COL12A1: variants seen among roughly 807,000 people sequenced by gnomAD.
COL12A1 encodes collagen alpha-1(XII) chain.
In COL12A1, 114 loss-of-function variants were observed where a neutral mutation model predicts 349.7. The observed-to-expected ratio is 0.33, with a 90% CI of 0.28 to 0.38. COL12A1 has a LOEUF of 0.38. COL12A1 is among the 10% of genes least tolerant of loss of function. The probability of loss-of-function intolerance (pLI) is 1.00; values close to 1 mark genes in which losing one functional copy is unlikely to be tolerated. For synonymous variants in COL12A1, 1,369 were observed against 1,329.0 expected, an observed-to-expected ratio of 1.03 and a Z score of -0.66; for missense variants, 3,284 against 3,756.9, an observed-to-expected ratio of 0.87 and a Z score of 3.29.
intron 3 of COL12A1, among the ~76,000 whole-genome samples, chr6:75,193,898 A>G (rs1770085866): frequency 1.3e-5 from 2 of 152,166 alleles, no homozygotes; most frequent in African/African-American, 4.8e-5. Flanking sequence ...CCTATAAATG[A>G]CATGAACTCA....
intron 5 of COL12A1, among the ~76,000 whole-genome samples, chr6:75,191,211 C>T (rs1769913103): frequency 6.6e-6 from 1 of 151,934 alleles, no homozygotes; most frequent in African/African-American, 2.4e-5. Context: ...CAACTAAGGC[C>T]ATGTAAATAA....
At chr6:75,165,457 C>T (rs1486776279) in intron 14 of COL12A1, 50 bp downstream of exon 14, 1 of 1,588,184 alleles carries the variant, frequency 6.3e-7, no homozygotes, top group Admixed American at 1.7e-5. Context: ...GAGCTGATAA[C>T]TATTGGGTAG....
intron 51 of COL12A1, among the ~76,000 whole-genome samples, chr6:75,112,278 T>C (rs1349622040): frequency 1.3e-5 from 2 of 151,878 alleles, no homozygotes; most frequent in African/African-American, 4.8e-5. Context: ...GCTTAATACC[T>C]GGGTGACAAA....
intron 17 of COL12A1, among the ~76,000 whole-genome samples, chr6:75,152,883 TGTA>T (rs1767562719): frequency 6.6e-6 from 1 of 152,112 alleles, no homozygotes; most frequent in Non-Finnish European, 1.5e-5. Flanking sequence ...AAAATTGTAA[TGTA>T]GTCAAATCAT....
Position 75,085,862 on chromosome 6 carries a change from T to TG in COL12A1, c.*684dup, listed in dbSNP as rs1767463189. The TG allele has an allele frequency of 6.5e-6, 1 of 154,626 alleles. No homozygotes were observed. The highest frequency in any genetic ancestry group is 1.4e-5 in the Non-Finnish European group (1 of 69,278). 9.6% of individuals were successfully genotyped at this position (154,626 alleles called of 1,614,324 possible). A position where few individuals can be genotyped will look rare whatever the true frequency, so the allele number is the denominator to read the frequency against. On this transcript the variant is annotated 3_prime_UTR_variant, in exon 66 of 66. Coordinates refer to ENST00000322507, the MANE Select transcript of COL12A1 (RefSeq NM_004370.6). ...TACCTCACACAAACTGAGTTACAGC[T>TG]GGTGGGTGAGGAACACCAGTGACTA...
chr6:75,138,884 C>T lies in COL12A1; in HGVS notation c.5035G>A (p.Ala1679Thr), dbSNP rs550455854. ...ATTCTGTAGAGAGACACATCTGAAG[C>T]TCCATGATCCCAAGTCCCTCTGAAA... The part of the protein sequence containing the change: ...EGFRGTWDHG[A>T]SDVSLYRITW... Residue 1679 changes from alanine (A) to threonine (T), a missense_variant, in exon 28 of 66, where the codon GCT (alanine) becomes ACT (threonine). Transcript: ENST00000322507. 6.2e-7 allele frequency: 1 copy of T among 1,614,104 alleles called. No homozygotes were observed. The highest frequency in any genetic ancestry group is 8.5e-7 in the Non-Finnish European group (1 of 1,179,958).
rs1219503947 is a variant in COL12A1, at chr6:75,124,374, A to G, written c.6608-3T>C. ...CAGATCTGTTACATTTAAATATACT[A>G]CAAAATAAAGAAAGAAAGAGATTTA... On this transcript the variant is annotated splice_polypyrimidine_tract_variant and splice_region_variant and intron_variant, in intron 40 of 65. Coordinates refer to ENST00000322507, the MANE Select transcript of COL12A1 (RefSeq NM_004370.6). The G allele has an allele frequency of 1.3e-6, 2 of 1,575,876 alleles. No individual in the cohort carries two copies. The highest frequency in any genetic ancestry group is 1.7e-6 in the Non-Finnish European group (2 of 1,152,152).
At position 75,130,981 on chromosome 6, in the gene COL12A1, T is replaced by C; in HGVS notation, c.5938A>G (p.Ile1980Val). Residue 1980 changes from isoleucine (I) to valine (V), a missense_variant and splice_region_variant, in exon 36 of 66, where the codon ATA (isoleucine) becomes GTA (valine). Around this residue, in one of 2 missense-constraint regions of COL12A1, gnomAD observed 2,601 missense variants for 2,824.8 expected, o/e 0.92. Coordinates refer to ENST00000322507, the MANE Select transcript of COL12A1 (RefSeq NM_004370.6). ...PVDGTRPSESIVVPGNTRMVH... is the reference protein window; with the variant it reads ...PVDGTRPSESVVVPGNTRMVH... ...ATGCGCGTGTTTCCTGGCACTACTA[T>C]CTGCAGGAGAGGAAATGCCAAATTC... The C allele has an allele frequency of 6.2e-7, 1 of 1,614,130 alleles. No individual in the cohort carries two copies.
At chr6:75,157,330 A>C (rs539262678) in intron 14 of COL12A1, among the ~76,000 whole-genome samples, 16 of 152,238 alleles carry the variant, frequency 1.1e-4, no homozygotes, top group African/African-American at 3.4e-4. Flanking sequence ...TGTTCTATAG[A>C]AAAAGATTAA....
intron 39 of COL12A1, among the ~76,000 whole-genome samples, chr6:75,125,668 A>C (rs1340859953): frequency 2.6e-5 from 4 of 152,120 alleles, no homozygotes; most frequent in Non-Finnish European, 5.9e-5. Context: ...CTCATTCCAC[A>C]TACTTTGGCT....
chr6:75,195,111 G>T (rs150483987), intron 2 of COL12A1, among the ~76,000 whole-genome samples, 164 bp from the exon 3 acceptor site: 1 of 152,198 alleles, frequency 6.6e-6, no homozygotes, highest in Non-Finnish European at 1.5e-5. Context: ...AAAACTAAAA[G>T]CTGACAAAAC....
chr6:75,187,637 T>C (rs1441323436), intron 8 of COL12A1, among the ~76,000 whole-genome samples: 1 of 152,118 alleles, frequency 6.6e-6, no homozygotes, highest in East Asian at 1.9e-4. Context: ...TTTGACAAAA[T>C]GTTCAGAGAT....
Position 75,183,259 on chromosome 6 carries a change from G to A in COL12A1, c.1682C>T (p.Ala561Val), listed in dbSNP as rs1344964508. Residue 561 changes from alanine to valine, a missense_variant, in exon 10 of 66, where the codon GCG becomes GTG. Around this residue, in one of 2 missense-constraint regions of COL12A1, gnomAD observed 2,601 missense variants for 2,824.8 expected, o/e 0.92. Coordinates refer to ENST00000322507, the MANE Select transcript of COL12A1 (RefSeq NM_004370.6). Reference sequence around the variant, plus strand: ...AACATCTGAATTCCTCAGTTTTATCGCAGGATCTCTGAAAGCATCTGATGA... The same window carrying A: ...AACATCTGAATTCCTCAGTTTTATCACAGGATCTCTGAAAGCATCTGATGA... ...GKSSDAFRDP[A>V]IKLRNSDVEI... 5.0e-6 allele frequency: 8 copies of A among 1,614,098 alleles called. No homozygotes were observed. The highest frequency in any genetic ancestry group is 2.2e-5 in the South Asian group (2 of 91,080).
At chr6:75,173,919 T>G (rs1035746002) in intron 13 of COL12A1, among the ~76,000 whole-genome samples, 4 of 152,304 alleles carry the variant, frequency 2.6e-5, no homozygotes, top group Middle Eastern at 6.8e-3. Flanking sequence ...AATATAATGA[T>G]AGGAGAAGGA....
rs542172906 is a variant in COL12A1, at chr6:75,125,320, A to AT, written c.6461-48dup. On this transcript the variant is annotated intron_variant, in intron 39 of 65. Coordinates refer to ENST00000322507, the MANE Select transcript of COL12A1 (RefSeq NM_004370.6). Reference sequence around the variant, plus strand: ...TACACAGAAACATGCCATCAATAGCATGAAATTTTGCTTAAAATTAAAGAT... The same window carrying AT: ...TACACAGAAACATGCCATCAATAGCATTGAAATTTTGCTTAAAATTAAAGAT... The AT allele has an allele frequency of 3.7e-4, 560 of 1,516,374 alleles. 6 individuals are homozygous for AT. The Admixed American group carries it at 8.5e-3, about 23-fold the overall frequency. The allele number at this position is 1,516,374 out of a possible 1,614,324, so 93.9% of individuals were successfully genotyped here.
intron 13 of COL12A1, among the ~76,000 whole-genome samples, chr6:75,166,762 C>T (rs1278471289): frequency 3.3e-5 from 5 of 152,024 alleles, no homozygotes; most frequent in Non-Finnish European, 5.9e-5. Flanking sequence ...TATTATTTTA[C>T]TTAACTCAAA....
intron 1 of COL12A1, among the ~76,000 whole-genome samples, chr6:75,205,366 A>T (rs954054098): frequency 1.3e-5 from 2 of 151,116 alleles, no homozygotes; most frequent in Admixed American, 6.6e-5. Flanking sequence ...TGCGTCACCA[A>T]AATACCTTCC....
intron 12 of COL12A1, among the ~76,000 whole-genome samples, chr6:75,176,158 G>A (rs74406061): frequency 0.25 from 37,909 of 152,088 alleles, 5,911 homozygotes; most frequent in East Asian, 0.47. Flanking sequence ...AGCCTCCATA[G>A]CAGAACAGGC....
At chr6:75,118,540 T>G (rs1769196457) in intron 46 of COL12A1, among the ~76,000 whole-genome samples, 1 of 152,186 alleles carries the variant, frequency 6.6e-6, no homozygotes, top group African/African-American at 2.4e-5. Context: ...CAAAGAACAG[T>G]GTTACCAGGA....
Sources: gnomAD v4.1 joint callset for allele counts (sites outside exome capture counted in the v4.1 genomes callset) on GRCh38, gnomAD v4.1.1 for gene constraint, gnomAD v4.1.1 regional missense constraint, MANE v1.5 for transcripts, NCBI Gene and HGNC (gene_info 2026-07-23, HGNC 2026-07-21) for gene names.